Variants in TF observed in about 807,000 individuals in gnomAD.
The protein encoded by TF is transferrin.
In TF, 55 loss-of-function variants were observed where a neutral mutation model predicts 82.4. That is an observed-to-expected ratio of 0.67 (90% CI 0.54 to 0.84). TF has a LOEUF of 0.84. Ranked by LOEUF, TF falls within the 40% of genes least tolerant of loss-of-function variation. The pLI is 0.00. For synonymous variants in TF, 332 were observed against 332.6 expected (o/e 1.00, Z 0.02); for missense variants, 737 against 868.4 (o/e 0.85, Z 1.90).
upstream of TF, among the ~76,000 whole-genome samples, chr3:133,744,612 C>T (rs920030717): frequency 3.3e-5 from 5 of 152,168 alleles, no homozygotes; most frequent in African/African-American, 9.7e-5. Context: ...ACAAGGGGCC[C>T]GTGGACGGGC....
chr3:133,754,422 A>G, intron 3 of TF, 73 bp from the exon 4 acceptor site: 8 of 1,512,282 alleles, frequency 5.3e-6, no homozygotes, highest in Non-Finnish European at 7.3e-6. Context: ...TCCCTCCTCA[A>G]GAGTCCGGTG....
At chr3:133,738,025 G>A in the TF span, among the ~76,000 whole-genome samples, 1 of 152,194 alleles carries the variant, frequency 6.6e-6, no homozygotes, top group African/African-American at 2.4e-5. Context: ...AAAATTTCAG[G>A]TCAATATCCC....
At chr3:133,666,204 G>A in the TF span, among the ~76,000 whole-genome samples, 5 of 152,088 alleles carry the variant, frequency 3.3e-5, no homozygotes, top group Admixed American at 6.5e-5. Flanking sequence ...ATGGAGTCTC[G>A]CTCTGTCGCC....
chr3:133,663,122 T>C, the TF span, among the ~76,000 whole-genome samples: 1 of 152,170 alleles, frequency 6.6e-6, no homozygotes, highest in African/African-American at 2.4e-5. Context: ...CACCTTGACC[T>C]ATTTTCAGCA....
At chr3:133,675,855 A>C in the TF span, among the ~76,000 whole-genome samples, 2 of 152,204 alleles carry the variant, frequency 1.3e-5, no homozygotes, top group African/African-American at 4.8e-5. Flanking sequence ...TCAAGGTCAG[A>C]GTTGAGGAGT....
At chr3:133,668,817 C>G in the TF span, among the ~76,000 whole-genome samples, 1 of 152,072 alleles carries the variant, frequency 6.6e-6, no homozygotes, top group Non-Finnish European at 1.5e-5. Context: ...GGAAAAAAAC[C>G]CCTTAAATGA....
At chr3:133,748,182 C>T (rs1933557698) in intron 1 of TF, 2 of 584,836 alleles carry the variant, frequency 3.4e-6, no homozygotes, top group Non-Finnish European at 6.2e-6. Context: ...ATGCCTGCAC[C>T]CCTCTGGCCA....
At chr3:133,733,165 A>T in the TF span, among the ~76,000 whole-genome samples, 1 of 152,120 alleles carries the variant, frequency 6.6e-6, no homozygotes, top group Non-Finnish European at 1.5e-5. Context: ...TTAAAATCCA[A>T]ATTATTTGAC....
At chr3:133,666,089 A>C in the TF span, among the ~76,000 whole-genome samples, 1 of 152,212 alleles carries the variant, frequency 6.6e-6, no homozygotes, top group African/African-American at 2.4e-5. Context: ...CAAACTAAAA[A>C]TAGGTTTTTT....
chr3:133,747,932 T>TA lies in TF; in HGVS notation c.44-467dup, dbSNP rs547298759. The stretch of plus-strand genomic sequence containing the variant: ...AACGACAAGCAGGGTGACCTTGGGT[T>TA]AAAAAAAAAAAAAGGCATCATTCTC... On this transcript the variant is annotated intron_variant, in intron 1 of 16. Coordinates refer to ENST00000402696, the MANE Select transcript of TF (RefSeq NM_001063.4). Among the ~76,000 whole-genome samples the TA allele has an allele frequency of 7.9e-3, 1,138 of 143,238 alleles. 10 individuals are homozygous for TA. The highest frequency in any genetic ancestry group is 0.023 in the African/African-American group (884 of 38,948). 94.0% of individuals were successfully genotyped at this position (143,238 alleles called of 152,430 possible).
At chr3:133,778,498 A>G in intron 16 of TF, 88 bp from the exon 17 acceptor site, 1 of 1,435,770 alleles carries the variant, frequency 7.0e-7, no homozygotes, top group South Asian at 1.2e-5. Flanking sequence ...CACACTTTGT[A>G]CTATGCTGAA....
rs1208297022 is a variant in TF, at chr3:133,777,118, C to T, written c.1942C>T (p.Leu648Phe). 3 of 1,614,074 alleles carry T rather than the reference C, an allele frequency of 1.9e-6. No homozygotes were observed. Among genetic ancestry groups the T allele is most frequent in the Admixed American group, 1.7e-5 (1 of 60,000 alleles). ...FCLFRSETKD[L>F]LFRDDTVCLA... Reference sequence around the variant, plus strand: ...TTTGTTCCGGTCGGAAACCAAGGACCTTCTGTTCAGAGATGACACAGTATG... The same window carrying T: ...TTTGTTCCGGTCGGAAACCAAGGACTTTCTGTTCAGAGATGACACAGTATG... Residue 648 changes from leucine to phenylalanine, a missense_variant, in exon 16 of 17, where the codon CTT becomes TTT. Leu to Phe is a conservative substitution (Grantham distance 22, BLOSUM62 0). Coordinates refer to ENST00000402696, the MANE Select transcript of TF (RefSeq NM_001063.4).
rs1553742153 is a variant in TF, at chr3:133,786,222, T to TAAAAAAAAAA, written c.*7611_*7620dup. On this transcript the variant is annotated 3_prime_UTR_variant, in exon 17 of 17. Coordinates refer to ENST00000402696, the MANE Select transcript of TF (RefSeq NM_001063.4). ...AAGAATTATCAATAAAAAAATAAAT[T>TAAAAAAAAAA]AAAAAAAAAAAAAAAAAACAATACT... 3.6e-5 allele frequency: 3 copies of TAAAAAAAAAA among 84,306 alleles called. No individual in the cohort carries two copies. Among genetic ancestry groups the TAAAAAAAAAA allele is most frequent in the Non-Finnish European group, 4.8e-5 (2 of 41,292 alleles). The allele number at this position is 84,306 out of a possible 1,614,324, so 5.2% of individuals were successfully genotyped here.
At chr3:133,771,603 G>T (rs993050102) in intron 14 of TF, among the ~76,000 whole-genome samples, 1 of 151,706 alleles carries the variant, frequency 6.6e-6, no homozygotes, top group African/African-American at 2.4e-5. Flanking sequence ...CGGGCGCGGT[G>T]GTGGGCGCCT....
At chr3:133,723,309 G>A in the TF span, among the ~76,000 whole-genome samples, 1 of 152,036 alleles carries the variant, frequency 6.6e-6, no homozygotes, top group African/African-American at 2.4e-5. Flanking sequence ...GAATCTGGAT[G>A]TTCATATCTC....
the TF span, chr3:133,699,793 T>C: frequency 6.4e-6 from 2 of 310,136 alleles, no homozygotes; most frequent in Non-Finnish European, 6.3e-6. Context: ...AGTCTATATG[T>C]GTTATATACA....
the TF span, among the ~76,000 whole-genome samples, chr3:133,667,546 C>A: frequency 3.3e-5 from 5 of 152,062 alleles, no homozygotes; most frequent in East Asian, 1.9e-4. Flanking sequence ...TAGGCACCAT[C>A]AACTGAGAGA....
chr3:133,717,214 T>C, the TF span, among the ~76,000 whole-genome samples: 2 of 152,206 alleles, frequency 1.3e-5, no homozygotes, highest in African/African-American at 4.8e-5. Flanking sequence ...GAAAACCTCA[T>C]GTGAAGCAGC....
the TF span, chr3:133,712,601 C>G: frequency 6.6e-6 from 1 of 152,612 alleles, no homozygotes; most frequent in Non-Finnish European, 1.5e-5. Flanking sequence ...GAATCTGAGG[C>G]TTTCTTGCTA....
Sources: gnomAD v4.1 joint callset for allele counts (sites outside exome capture counted in the v4.1 genomes callset) on GRCh38, gnomAD v4.1.1 for gene constraint, MANE v1.5 for transcripts, NCBI Gene and HGNC (gene_info 2026-07-23, HGNC 2026-07-21) for gene names.